DIAPH3: variants seen among roughly 807,000 people sequenced by gnomAD.
The protein encoded by DIAPH3 is protein diaphanous homolog 3.
A neutral mutation model predicts 144.3 loss-of-function variants in DIAPH3; 117 were observed. The ratio of observed to expected loss-of-function variants is 0.81; its 90% confidence interval spans 0.70 to 0.95. The LOEUF (loss-of-function observed/expected upper bound fraction) is 0.95, where lower values mean the gene tolerates loss of function less well. Among genes scored for constraint, DIAPH3 ranks in the 40% least tolerant of loss-of-function variants. The pLI, the probability that DIAPH3 is intolerant of heterozygous loss-of-function variation, is 0.00. For missense variants in DIAPH3, 1,421 were observed against 1,412.7 expected (o/e 1.01, Z -0.09); for synonymous variants, 519 against 488.9 (o/e 1.06, Z -0.81).
chr13:59,737,406 T>C (rs1464467644), intron 27 of DIAPH3, among the ~76,000 whole-genome samples: 4 of 152,194 alleles, frequency 2.6e-5, no homozygotes, highest in Non-Finnish European at 5.9e-5. Context: ...ATTCACCATT[T>C]ATTGAGAATC....
At chr13:59,917,073 G>T (rs143387126) in intron 18 of DIAPH3, among the ~76,000 whole-genome samples, 48 of 152,176 alleles carry the variant, frequency 3.2e-4, no homozygotes, top group African/African-American at 1.2e-3. Flanking sequence ...CTCAGCACCT[G>T]CAAATCAATA....
intron 20 of DIAPH3, among the ~76,000 whole-genome samples, chr13:59,907,186 T>C (rs2140212712): frequency 6.6e-6 from 1 of 152,310 alleles, no homozygotes; most frequent in Non-Finnish European, 1.5e-5. Flanking sequence ...GCCTCTCAAA[T>C]ATACACCAAT....
At chr13:59,874,486 A>T (rs2044481284) in intron 21 of DIAPH3, among the ~76,000 whole-genome samples, 1 of 152,188 alleles carries the variant, frequency 6.6e-6, no homozygotes, top group Non-Finnish European at 1.5e-5. Flanking sequence ...TTCATGCATT[A>T]GAAAAGAGAA....
At chr13:59,948,388 C>A (rs1054323236) in intron 17 of DIAPH3, among the ~76,000 whole-genome samples, 1 of 152,162 alleles carries the variant, frequency 6.6e-6, no homozygotes, top group Admixed American at 6.5e-5. Flanking sequence ...AAGAAACCTG[C>A]TCTTAACACT....
At chr13:59,676,133 G>GT (rs1416761607) in intron 27 of DIAPH3, among the ~76,000 whole-genome samples, 1 of 152,132 alleles carries the variant, frequency 6.6e-6, no homozygotes, top group Non-Finnish European at 1.5e-5. Flanking sequence ...ACAGAATCAT[G>GT]TAATGTAGAA....
intron 17 of DIAPH3, among the ~76,000 whole-genome samples, chr13:59,930,259 T>C (rs934714040): frequency 6.6e-6 from 1 of 152,170 alleles, no homozygotes; most frequent in Non-Finnish European, 1.5e-5. Context: ...GATACAATGC[T>C]AGACAAGATA....
rs1480187632 is a variant in DIAPH3 at position 59,951,558 on chromosome 13, C to T, written c.2074+18386G>A. On this transcript the variant is annotated intron_variant, in intron 17 of 27. Transcript: ENST00000400324. ...CTCAGTCATATTTATGAATCTTCTGCCATCATTCACTCAATAAACTTCATA... is the reference window on the plus strand; with the variant it reads ...CTCAGTCATATTTATGAATCTTCTGTCATCATTCACTCAATAAACTTCATA... Among the ~76,000 whole-genome samples the T allele has an allele frequency of 2.6e-5, 4 of 152,064 alleles. No homozygotes were observed. The South Asian group carries it at 8.3e-4, about 32-fold the overall frequency.
intron 22 of DIAPH3, among the ~76,000 whole-genome samples, chr13:59,854,395 T>C (rs937307713): frequency 6.6e-6 from 1 of 152,200 alleles, no homozygotes; most frequent in Non-Finnish European, 1.5e-5. Context: ...TTCTGTAAGA[T>C]GCATAAATAC....
intron 25 of DIAPH3, among the ~76,000 whole-genome samples, chr13:59,797,108 G>C (rs941364248): frequency 6.6e-6 from 1 of 151,934 alleles, no homozygotes; most frequent in Non-Finnish European, 1.5e-5. Context: ...TGTATATAAT[G>C]TCAATAGTTT....
At position 59,690,263 on chromosome 13, in the gene DIAPH3, C is replaced by T. The variant is rs937180557; in HGVS notation, c.3320-23417G>A. On this transcript the variant is annotated intron_variant, in intron 27 of 27. Coordinates refer to ENST00000400324, the MANE Select transcript of DIAPH3 (RefSeq NM_001042517.2). ...ATGTGTTTCAATGCATTCTTATATA[C>T]ATTACTTTACCTTTTCTTCAGCATG... 7.9e-5 allele frequency among the ~76,000 whole-genome samples: 12 copies of T among 152,106 alleles called. No individual in the cohort carries two copies. The East Asian group carries it at 2.3e-3, about 29-fold the overall frequency.
chr13:60,126,888 T>G (rs1008199933), intron 2 of DIAPH3, among the ~76,000 whole-genome samples: 6 of 151,884 alleles, frequency 4.0e-5, no homozygotes, highest in African/African-American at 1.5e-4. Flanking sequence ...AGAGGAAAAT[T>G]TATAGCATAA....
intron 27 of DIAPH3, among the ~76,000 whole-genome samples, chr13:59,693,974 C>A (rs1037234301): frequency 2.6e-5 from 4 of 152,050 alleles, no homozygotes; most frequent in Admixed American, 1.3e-4. Context: ...AAATGTGATT[C>A]TTCAAATAAG....
intron 20 of DIAPH3, among the ~76,000 whole-genome samples, chr13:59,880,701 T>C (rs2044962996): frequency 6.6e-6 from 1 of 152,026 alleles, no homozygotes; most frequent in Non-Finnish European, 1.5e-5. Context: ...CAATAAAGAA[T>C]TAGTTCTTTG....
intron 14 of DIAPH3, among the ~76,000 whole-genome samples, chr13:59,976,413 G>T (rs2140639063): frequency 6.6e-6 from 1 of 151,928 alleles, no homozygotes; most frequent in Middle Eastern, 3.4e-3. Flanking sequence ...CAGTTCCTCG[G>T]TCACACCAGC....
chr13:59,985,028 AT>A (rs2051305333), intron 12 of DIAPH3, among the ~76,000 whole-genome samples: 1 of 125,456 alleles, frequency 8.0e-6, no homozygotes, highest in African/African-American at 3.1e-5. Context: ...AAAAAAGAGA[AT>A]TTTAGACCAA....
chr13:59,748,851 T>C (rs568992576), intron 27 of DIAPH3, among the ~76,000 whole-genome samples: 1 of 152,282 alleles, frequency 6.6e-6, no homozygotes, highest in South Asian at 2.1e-4. Flanking sequence ...CAATCTCTGT[T>C]GACTGAGGAA....
At chr13:59,812,539 G>C (rs928170957) in intron 24 of DIAPH3, among the ~76,000 whole-genome samples, 1 of 152,116 alleles carries the variant, frequency 6.6e-6, no homozygotes, top group African/African-American at 2.4e-5. Context: ...TAAGAGTGCC[G>C]TGATAGCATT....
intron 27 of DIAPH3, among the ~76,000 whole-genome samples, chr13:59,713,626 A>AGGGGAGCTGTT (rs112557146): frequency 0.73 from 110,625 of 151,580 alleles, 40,612 homozygotes; most frequent in East Asian, 0.87. Context: ...TATTTGAGGA[A>AGGGGAGCTGTT]GGGGAGCTAT....
At chr13:60,153,375 C>T (rs1951887855) in intron 1 of DIAPH3, 1 of 152,034 alleles carries the variant, frequency 6.6e-6, no homozygotes, top group Non-Finnish European at 1.5e-5. Context: ...TTATATATGG[C>T]TATTTTCTTT....
Sources: gnomAD v4.1 joint callset for allele counts (sites outside exome capture counted in the v4.1 genomes callset) on GRCh38, gnomAD v4.1.1 for gene constraint, MANE v1.5 for transcripts, NCBI Gene and HGNC (gene_info 2026-07-23, HGNC 2026-07-21) for gene names.